The following AMPH variants were observed in gnomAD, a reference collection of about 807,000 sequenced individuals.
AMPH encodes the protein amphiphysin.
In AMPH, 49 loss-of-function variants were observed where a neutral mutation model predicts 99.1. The observed-to-expected ratio is 0.49, with a 90% CI of 0.39 to 0.63. The LOEUF (loss-of-function observed/expected upper bound fraction) is 0.63. AMPH is among the 20% of genes least tolerant of loss of function. AMPH has a pLI of 0.00. For missense variants in AMPH, 759 were observed against 863.4 expected (o/e 0.88, Z 1.52); for synonymous variants, 314 against 317.3 (o/e 0.99, Z 0.11).
chr7:38,494,424 AG>A lies in AMPH; in HGVS notation c.300+8del. 5 of 1,613,244 alleles carry A rather than the reference AG, an allele frequency of 3.1e-6. No homozygotes were observed. Among genetic ancestry groups the A allele is most frequent in the Non-Finnish European group, 4.2e-6 (5 of 1,179,342 alleles). On this transcript the variant is annotated splice_region_variant and intron_variant, in intron 4 of 20. Coordinates refer to ENST00000356264, the MANE Select transcript of AMPH (RefSeq NM_001635.4). ...GTGGGAGCCTCATGGAAGCCACCCC[AG>A]CTCTTACCTCACCAACCATTTTCAC...
At chr7:38,456,237 G>A (rs1006366520) in intron 11 of AMPH, among the ~76,000 whole-genome samples, 1 of 152,086 alleles carries the variant, frequency 6.6e-6, no homozygotes, top group Non-Finnish European at 1.5e-5. Flanking sequence ...AGGAAACTAC[G>A]TGTCCCACAG....
chr7:38,631,333 C>A lies in AMPH; in HGVS notation c.19G>T (p.Gly7Cys). The change falls in exon 1 of 21, where the codon GGC (glycine) becomes TGC (cysteine). Residue 7 changes from glycine (G) to cysteine (C), a missense_variant. Transcript: ENST00000356264. The part of the protein sequence containing the change: MADIKT[G>C]IFAKNVQKRL... ...TTCTGGACGTTCTTGGCGAAGATGC[C>A]CGTCTTGATGTCGGCCATGGCTGCG... 1 of 1,557,010 alleles carries A rather than the reference C, an allele frequency of 6.4e-7. No homozygotes were observed. Among genetic ancestry groups the A allele is most frequent in the East Asian group, 2.5e-5 (1 of 40,436 alleles).
intron 17 of AMPH, among the ~76,000 whole-genome samples, chr7:38,396,419 C>T (rs1046304752): frequency 1.3e-5 from 2 of 152,190 alleles, no homozygotes; most frequent in Non-Finnish European, 2.9e-5. Flanking sequence ...GATTGTGAGG[C>T]CTCCCCAGCT....
intron 12 of AMPH, 42 bp downstream of exon 12, chr7:38,436,230 G>T: frequency 7.0e-7 from 1 of 1,420,532 alleles, no homozygotes; most frequent in Non-Finnish European, 1.0e-6. Flanking sequence ...AGCTTACTGA[G>T]GTTTATGAAA....
chr7:38,617,595 T>C (rs888894322), intron 1 of AMPH, among the ~76,000 whole-genome samples: 3 of 152,216 alleles, frequency 2.0e-5, no homozygotes, highest in Non-Finnish European at 2.9e-5. Context: ...TAAACCATGC[T>C]GGGTGCCCAG....
chr7:38,630,426 A>C (rs1312674811), intron 1 of AMPH, among the ~76,000 whole-genome samples: 2 of 152,094 alleles, frequency 1.3e-5, no homozygotes, highest in Non-Finnish European at 2.9e-5. Context: ...GGTTTCATTC[A>C]TGCACGTCTC....
At chr7:38,527,166 G>A (rs1342100092) in intron 2 of AMPH, among the ~76,000 whole-genome samples, 2 of 152,188 alleles carry the variant, frequency 1.3e-5, no homozygotes, top group Non-Finnish European at 2.9e-5. Context: ...TTTCACCTAT[G>A]TGGTAGGCCT....
intron 1 of AMPH, among the ~76,000 whole-genome samples, chr7:38,593,471 C>T (rs1792934449): frequency 6.6e-6 from 1 of 152,232 alleles, no homozygotes; most frequent in Admixed American, 6.5e-5. Flanking sequence ...TCCTGAGTGG[C>T]TCTTACATTA....
chr7:38,467,773 T>C (rs1787718705), intron 7 of AMPH, among the ~76,000 whole-genome samples: 1 of 151,850 alleles, frequency 6.6e-6, no homozygotes, highest in African/African-American at 2.4e-5. Context: ...GCATACATGA[T>C]TACATATCAA....
chr7:38,516,430 T>C lies in AMPH; in HGVS notation c.151-12726A>G, dbSNP rs559321479. Among the ~76,000 whole-genome samples, 14 of 152,312 alleles carry C rather than the reference T, an allele frequency of 9.2e-5. 1 individual carries two copies. The South Asian group carries it at 2.9e-3, about 32-fold the overall frequency. ...CTCCAGAGGATGTAAGCTATAAGGC[T>C]TGATGACTTCCATACAGTGTTATGC... On this transcript the variant is annotated intron_variant, in intron 2 of 20. Transcript: ENST00000356264.
intron 2 of AMPH, among the ~76,000 whole-genome samples, chr7:38,518,622 G>A (rs1470148611): frequency 3.9e-5 from 6 of 152,140 alleles, no homozygotes; most frequent in African/African-American, 4.8e-5. Flanking sequence ...TCTGTCCTAC[G>A]CCTGTCCCAC....
Position 38,461,308 on chromosome 7 carries a change from T to C in AMPH, c.992A>G (p.Glu331Gly). The C allele has an allele frequency of 6.2e-7, 1 of 1,614,062 alleles. No homozygotes were observed. Among genetic ancestry groups the C allele is most frequent in the Non-Finnish European group, 8.5e-7 (1 of 1,179,976 alleles). Residue 331 changes from glutamate to glycine, a missense_variant, in exon 11 of 21, where the codon GAA becomes GGA. This residue lies in a region of AMPH where 554 missense variants were observed against 575.6 expected (regional missense o/e 0.96). Transcript: ENST00000356264. ...CTGGGAAGGTGTTGTCACACTGATT[T>C]CTGGAACAAAGTTGTCCTCAAAGAA... ...ISFFEDNFVP[E>G]ISVTTPSQNE...
intron 14 of AMPH, 60 bp from the exon 15 acceptor site, chr7:38,427,046 G>A: frequency 6.9e-7 from 1 of 1,448,336 alleles, no homozygotes; most frequent in South Asian, 1.2e-5. Flanking sequence ...TGTAGGACCA[G>A]TAAATATCCA....
intron 11 of AMPH, among the ~76,000 whole-genome samples, chr7:38,439,809 TTCTACTTGGGACA>T (rs1173344699): frequency 6.6e-6 from 1 of 152,152 alleles, no homozygotes; most frequent in African/African-American, 2.4e-5. Flanking sequence ...ATGAGGTGTC[TTCTACTTGGGACA>T]TCTAAGTTTA....
chr7:38,499,436 C>T (rs1280810510), intron 3 of AMPH, among the ~76,000 whole-genome samples: 1 of 152,142 alleles, frequency 6.6e-6, no homozygotes, highest in African/African-American at 2.4e-5. Context: ...ATTCATTTAA[C>T]CCAACTTCAC....
At chr7:38,566,693 A>AT (rs1414145056) in intron 1 of AMPH, among the ~76,000 whole-genome samples, 3 of 152,146 alleles carry the variant, frequency 2.0e-5, no homozygotes, top group African/African-American at 7.3e-5. Flanking sequence ...AGTTAAACAA[A>AT]TGTACAAGAA....
At chr7:38,532,943 G>A (rs1301047881) in intron 2 of AMPH, among the ~76,000 whole-genome samples, 2 of 152,170 alleles carry the variant, frequency 1.3e-5, no homozygotes, top group East Asian at 3.8e-4. Context: ...GGAAAACAAG[G>A]TTTCGAAGGG....
At chr7:38,473,397 G>C (rs1189465618) in intron 7 of AMPH, among the ~76,000 whole-genome samples, 1 of 152,054 alleles carries the variant, frequency 6.6e-6, no homozygotes, top group Non-Finnish European at 1.5e-5. Context: ...TATATGTAAA[G>C]ATTTTGGATA....
At chr7:38,567,006 A>G (rs1480165582) in intron 1 of AMPH, among the ~76,000 whole-genome samples, 2 of 152,234 alleles carry the variant, frequency 1.3e-5, no homozygotes, top group Non-Finnish European at 2.9e-5. Context: ...CTAGAACTAG[A>G]AATACCATTT....
Sources: allele counts gnomAD v4.1 joint callset (sites outside exome capture counted in the v4.1 genomes callset), GRCh38; gene constraint gnomAD v4.1.1; regional missense constraint gnomAD v4.1.1; transcripts MANE v1.5; gene names NCBI Gene and HGNC (gene_info 2026-07-23, HGNC 2026-07-21).